The following CUBN variants were observed in gnomAD, a reference collection of about 807,000 sequenced individuals.
CUBN encodes 460 kDa receptor.
Under a neutral mutation model 405.3 loss-of-function variants are expected in CUBN, and 282 were observed. The observed-to-expected ratio is 0.70, with a 90% CI of 0.63 to 0.77. The LOEUF is 0.77. Among genes scored for constraint, CUBN ranks in the 30% least tolerant of loss-of-function variants. The pLI is 0.00. For missense variants in CUBN, 4,514 were observed against 4,475.2 expected, an observed-to-expected ratio of 1.01 and a Z score of -0.25; for synonymous variants, 1,684 against 1,617.0, an observed-to-expected ratio of 1.04 and a Z score of -0.99.
intron 59 of CUBN, among the ~76,000 whole-genome samples, chr10:16,858,321 A>T (rs1437287589): frequency 6.6e-6 from 1 of 152,010 alleles, no homozygotes; most frequent in African/African-American, 2.4e-5. Context: ...TTTTATTTTT[A>T]TTTATTTACG....
chr10:16,963,961 G>A (rs1012852403), intron 31 of CUBN, among the ~76,000 whole-genome samples: 6 of 152,204 alleles, frequency 3.9e-5, no homozygotes, highest in African/African-American at 1.4e-4. Flanking sequence ...CTGGGACGGG[G>A]AACAGGGCAT....
intron 17 of CUBN, among the ~76,000 whole-genome samples, chr10:17,083,732 A>C (rs1836027870): frequency 6.6e-6 from 1 of 152,160 alleles, no homozygotes; most frequent in African/African-American, 2.4e-5. Flanking sequence ...AGTTTATGTA[A>C]AATGATTATG....
At chr10:16,868,543 C>T (rs1840253160) in intron 59 of CUBN, among the ~76,000 whole-genome samples, 1 of 152,152 alleles carries the variant, frequency 6.6e-6, no homozygotes, top group Non-Finnish European at 1.5e-5. Context: ...AAAACACTTT[C>T]CAGAGTCGAA....
At chr10:16,825,674 T>TGTGTGTGTGTGTG (rs58497178) in intron 66 of CUBN, among the ~76,000 whole-genome samples, 13 of 133,988 alleles carry the variant, frequency 9.7e-5, no homozygotes, top group Admixed American at 1.5e-4. Flanking sequence ...TGTGTGTGTG[T>TGTGTGTGTGTGTG]TGGGGGGATA....
At chr10:16,959,752 T>G (rs1843165259) in intron 31 of CUBN, among the ~76,000 whole-genome samples, 2 of 152,160 alleles carry the variant, frequency 1.3e-5, no homozygotes, top group African/African-American at 4.8e-5. Flanking sequence ...AATTCTAAAG[T>G]CATAAAAATT....
chr10:16,968,564 A>C (rs535254735), intron 31 of CUBN, among the ~76,000 whole-genome samples: 6 of 152,286 alleles, frequency 3.9e-5, no homozygotes, highest in African/African-American at 1.4e-4. Context: ...AGCAAAGAGG[A>C]TGCTGGAAGC....
intron 14 of CUBN, among the ~76,000 whole-genome samples, chr10:17,096,902 G>C (rs960026799): frequency 2.6e-5 from 4 of 152,074 alleles, no homozygotes; most frequent in African/African-American, 9.7e-5. Context: ...GAATGCTAAT[G>C]AAAACATACA....
rs771857406 is a variant in CUBN, at chr10:16,928,277, C to T, written c.6151G>A (p.Ala2051Thr). Reference protein sequence around the residue: ...DGDNNLAQQLAVLCGREIPGP... With the variant: ...DGDNNLAQQLTVLCGREIPGP... Reference sequence around the variant, plus strand: ...GGGATCTCTCTGCCACAGAGAACTGCTAGCTGCTGGGCCAAGTTATTATCT... The same window carrying T: ...GGGATCTCTCTGCCACAGAGAACTGTTAGCTGCTGGGCCAAGTTATTATCT... Residue 2051 changes from alanine to threonine, a missense_variant, in exon 41 of 67, where the codon GCA becomes ACA. Coordinates refer to ENST00000377833, the MANE Select transcript of CUBN (RefSeq NM_001081.4). The T allele has an allele frequency of 2.5e-6, 4 of 1,613,950 alleles. No homozygotes were observed. The highest frequency in any genetic ancestry group is 3.4e-6 in the Non-Finnish European group (4 of 1,179,898).
intron 31 of CUBN, among the ~76,000 whole-genome samples, chr10:16,960,178 G>C (rs1843176164): frequency 6.6e-6 from 1 of 152,110 alleles, no homozygotes; most frequent in Non-Finnish European, 1.5e-5. Context: ...AAAATGCCAA[G>C]ATACTAACAC....
In CUBN at chr10:17,012,666, T is replaced by G. The variant is rs185221552; in HGVS notation, c.4168+7167A>C. On this transcript the variant is annotated intron_variant, in intron 28 of 66. Transcript: ENST00000377833. ...TGGGATTTTAATTTTTCTTTGCTAT[T>G]AATAAAACCTCATTCCATCCATATT... Among the ~76,000 whole-genome samples, 459 of 152,390 alleles carry G rather than the reference T, an allele frequency of 3.0e-3. 2 individuals are homozygous for G. Among genetic ancestry groups the G allele is most frequent in the Non-Finnish European group, 4.0e-3 (270 of 68,042 alleles).
chr10:17,085,483 T>G, intron 16 of CUBN, 114 bp downstream of exon 16: 1 of 1,068,686 alleles, frequency 9.4e-7, no homozygotes, highest in Non-Finnish European at 1.4e-6. Flanking sequence ...TAAAGAAATG[T>G]TCTTGGTCTA....
At position 16,869,730 on chromosome 10, in the gene CUBN, A is replaced by G. The variant is rs1465720843; in HGVS notation, c.9360T>C (p.Asn3120=). ...GCATACTATTATTGCTGCTCTTCAC[A>G]TTTGGTGGGCGCTTGGAACCGCAGA... ...GKFCGSKRPP[N]VKSSNNSMLL... is the part of the protein sequence containing the mutation. The change falls in exon 59 of 67, where the codon AAT becomes AAC. Residue 3120 remains asparagine, a synonymous_variant. Transcript: ENST00000377833. 1 of 1,613,968 alleles carries G rather than the reference A, an allele frequency of 6.2e-7. No homozygotes were observed. Among genetic ancestry groups the G allele is most frequent in the African/African-American group, 1.3e-5 (1 of 74,904 alleles).
intron 59 of CUBN, among the ~76,000 whole-genome samples, chr10:16,862,047 G>A (rs1372412765): frequency 6.6e-6 from 1 of 151,996 alleles, no homozygotes; most frequent in Non-Finnish European, 1.5e-5. Flanking sequence ...TACTCAAGGG[G>A]CTGAGGCAGG....
intron 46 of CUBN, 59 bp from the exon 47 acceptor site, chr10:16,915,231 A>C: frequency 6.2e-7 from 1 of 1,603,272 alleles, no homozygotes; most frequent in Non-Finnish European, 8.5e-7. Flanking sequence ...TTTACCCTCT[A>C]TTCAAGGTGT....
chr10:17,015,357 T>C (rs890012655), intron 28 of CUBN, among the ~76,000 whole-genome samples: 3 of 152,152 alleles, frequency 2.0e-5, no homozygotes, highest in Admixed American at 6.5e-5. Context: ...ATGTAGATAA[T>C]AGCTCCAGCT....
chr10:16,958,162 G>A (rs79458669), intron 31 of CUBN, among the ~76,000 whole-genome samples: 782 of 152,146 alleles, frequency 5.1e-3, no homozygotes, highest in African/African-American at 0.018. Context: ...TTTCCTTGGG[G>A]GTCCTTTGAA....
chr10:16,986,476 C>T (rs1833429527), intron 29 of CUBN, among the ~76,000 whole-genome samples: 1 of 152,126 alleles, frequency 6.6e-6, no homozygotes, highest in Admixed American at 6.5e-5. Context: ...TTCCCCCCAG[C>T]CATCCGGTAA....
chr10:16,967,869 CAGGG>C (rs1843441299), intron 31 of CUBN, among the ~76,000 whole-genome samples: 1 of 105,962 alleles, frequency 9.4e-6, no homozygotes, highest in South Asian at 3.2e-4. Context: ...GAAGGAGAGA[CAGGG>C]AGAGAGAGAG....
chr10:16,831,101 A>T, intron 65 of CUBN, 151 bp downstream of exon 65: 1 of 738,542 alleles, frequency 1.4e-6, no homozygotes, highest in Non-Finnish European at 2.3e-6. Flanking sequence ...AAAAAAAAGT[A>T]ATCTGTACTT....
Sources: gnomAD v4.1 joint callset for allele counts (sites outside exome capture counted in the v4.1 genomes callset) on GRCh38, gnomAD v4.1.1 for gene constraint, MANE v1.5 for transcripts, NCBI Gene and HGNC (gene_info 2026-07-23, HGNC 2026-07-21) for gene names.